The following ADAMTS13 variants were observed in gnomAD, a reference collection of about 807,000 sequenced individuals.
The protein encoded by ADAMTS13 is A disintegrin and metalloproteinase with thrombospondin motifs 13.
In ADAMTS13, 110 loss-of-function variants were observed where a neutral mutation model predicts 155.1. That is an observed-to-expected ratio of 0.71 (90% confidence interval 0.61 to 0.83). The LOEUF (loss-of-function observed/expected upper bound fraction) is 0.83, where lower values mean the gene tolerates loss of function less well. ADAMTS13 is among the 40% of genes least tolerant of loss of function. The probability of loss-of-function intolerance (pLI) is 0.00; values close to 1 mark genes in which losing one functional copy is unlikely to be tolerated. For missense variants in ADAMTS13, 1,707 were observed against 1,891.7 expected (o/e 0.90, Z 1.81); for synonymous variants, 758 against 756.4 (o/e 1.00, Z -0.03).
At position 133,430,038 on chromosome 9, in the gene ADAMTS13, C is replaced by G. The variant is rs1554786784; in HGVS notation, c.924C>G (p.Asn308Lys). The G allele has an allele frequency of 1.3e-6, 2 of 1,595,352 alleles. No individual in the cohort carries two copies. The highest frequency in any genetic ancestry group is 1.7e-5 in the Admixed American group (1 of 59,390). ...AGCCTGGCCTCTACTACAGCGCCAA[C>G]GAGCAGTGCCGCGTGGCCTTCGGCC... is the stretch of plus-strand genomic sequence containing the variant. The part of the protein sequence containing the change: ...DAQPGLYYSA[N>K]EQCRVAFGPK... The change falls in exon 8 of 29, where the codon AAC (asparagine) becomes AAG (lysine). Residue 308 changes from asparagine to lysine, a missense_variant. Asn to Lys is a moderately conservative substitution (Grantham distance 94). Transcript: ENST00000355699.
At chr9:133,451,217 A>G (rs1441601514) in intron 23 of ADAMTS13, among the ~76,000 whole-genome samples, 1 of 152,198 alleles carries the variant, frequency 6.6e-6, no homozygotes, top group African/African-American at 2.4e-5. Context: ...CCAGTTTAAT[A>G]GATAGCATCC....
chr9:133,427,478 G>C (rs1243531976), intron 6 of ADAMTS13, among the ~76,000 whole-genome samples: 1 of 152,234 alleles, frequency 6.6e-6, no homozygotes, highest in Non-Finnish European at 1.5e-5. Context: ...ACCCCTCTGA[G>C]CCTGGGAGGG....
intron 11 of ADAMTS13, 53 bp from the exon 12 acceptor site, chr9:133,436,776 A>AGGGGGGGGGGGGGGCC: frequency 1.4e-6 from 1 of 715,604 alleles, no homozygotes; most frequent in Non-Finnish European, 2.2e-6. Context: ...CCCAGTGACA[A>AGGGGGGGGGGGGGGCC]CACCCGCCCC....
intron 21 of ADAMTS13, among the ~76,000 whole-genome samples, chr9:133,447,347 A>G (rs1010286601): frequency 6.6e-6 from 1 of 152,114 alleles, no homozygotes; most frequent in Non-Finnish European, 1.5e-5. Flanking sequence ...GTTGGAGTGT[A>G]GTGGCACAAT....
At position 133,442,439 on chromosome 9, in the gene ADAMTS13, G is replaced by A. The variant is rs149953167; in HGVS notation, c.2009G>A (p.Arg670His). Residue 670 changes from arginine to histidine, a missense_variant, in exon 17 of 29, where the codon CGC (arginine) becomes CAC (histidine). Arg to His is a conservative substitution (Grantham distance 29, BLOSUM62 0). Transcript: ENST00000355699. ...GGCGAGGAGTATGGCAACCTCACCC[G>A]CCCAGACATCACCTTCACCTACTTC... Reference protein sequence around the residue: ...RYGEEYGNLTRPDITFTYFQP... With the variant: ...RYGEEYGNLTHPDITFTYFQP... 2.6e-4 allele frequency: 418 copies of A among 1,613,712 alleles called. 1 individual carries two copies. The highest frequency in any genetic ancestry group is 3.2e-4 in the Non-Finnish European group (378 of 1,180,020).
chr9:133,414,686 G>A, intron 1 of ADAMTS13: 1 of 1,613,894 alleles, frequency 6.2e-7, no homozygotes, highest in Admixed American at 1.7e-5. Flanking sequence ...GGCTGGGGCT[G>A]CCTCCTTAGC....
Position 133,433,393 on chromosome 9 carries a change from C to T in ADAMTS13, c.1108C>T (p.Arg370Cys), listed in dbSNP as rs145252342. The T allele has an allele frequency of 3.5e-5, 57 of 1,612,690 alleles. No individual in the cohort carries two copies. Among genetic ancestry groups the T allele is most frequent in the Non-Finnish European group, 4.7e-5 (56 of 1,179,922 alleles). Reference sequence around the variant, plus strand: ...TGCCTTGCAGTGGTGCTCCAAGGGTCGCTGCCGCTCCCTGGTGGAGCTGAC... The same window carrying T: ...TGCCTTGCAGTGGTGCTCCAAGGGTTGCTGCCGCTCCCTGGTGGAGCTGAC... The part of the protein sequence containing the change: ...CGVEKWCSKG[R>C]CRSLVELTPI... Residue 370 changes from arginine to cysteine, a missense_variant, in exon 10 of 29, where the codon CGC becomes TGC. Physicochemically the swap from Arg to Cys is radical, Grantham distance 180 (BLOSUM62 -3). Around this residue, in one of 3 missense-constraint regions of ADAMTS13, gnomAD observed 733 missense variants for 749.6 expected, o/e 0.98. Coordinates refer to ENST00000355699, the MANE Select transcript of ADAMTS13 (RefSeq NM_139027.6).
intron 11 of ADAMTS13, among the ~76,000 whole-genome samples, chr9:133,433,913 T>G (rs1169402480): frequency 1.3e-5 from 2 of 151,956 alleles, no homozygotes; most frequent in Admixed American, 1.3e-4. Context: ...CTGGCCAACA[T>G]GGTGAAATCT....
At chr9:133,446,849 G>T (rs1004549280) in intron 21 of ADAMTS13, among the ~76,000 whole-genome samples, 6 of 151,806 alleles carry the variant, frequency 4.0e-5, no homozygotes, top group Admixed American at 6.6e-5. Flanking sequence ...TATTTCTATG[G>T]TTTTTTTTGT....
At position 133,440,201 on chromosome 9, in the gene ADAMTS13, C is replaced by T. The variant is rs587675352; in HGVS notation, c.1787-143C>T. On this transcript the variant is annotated intron_variant, in intron 15 of 28. Coordinates refer to ENST00000355699, the MANE Select transcript of ADAMTS13 (RefSeq NM_139027.6). The surrounding 1 kb of genome is among the most constrained non-coding windows in gnomAD (Gnocchi z 4.3). ...GTTGTGGAAAGAGGCCTAGAGCCTCCGCTGTGGGGAAGCCTCTAGCTCAGA... is the reference window on the plus strand; with the variant it reads ...GTTGTGGAAAGAGGCCTAGAGCCTCTGCTGTGGGGAAGCCTCTAGCTCAGA... The T allele has an allele frequency of 6.4e-5, 64 of 1,002,202 alleles. 1 individual carries two copies. Among genetic ancestry groups the T allele is most frequent in the Middle Eastern group, 5.6e-4 (2 of 3,570 alleles). 62.1% of individuals were successfully genotyped at this position (1,002,202 alleles called of 1,614,324 possible).
chr9:133,443,268 G>T, intron 18 of ADAMTS13, 108 bp from the exon 19 acceptor site: 1 of 1,370,834 alleles, frequency 7.3e-7, no homozygotes, highest in Non-Finnish European at 1.0e-6. Flanking sequence ...TGGCCGTAGT[G>T]CCCATTGCTT....
rs782363784 is a variant in ADAMTS13 at position 133,444,878 on chromosome 9, G to GC, written c.2439dup (p.Ser814GlnfsTer31). The GC allele has an allele frequency of 6.2e-7, 1 of 1,613,062 alleles. No individual in the cohort carries two copies. The highest frequency in any genetic ancestry group is 8.5e-7 in the Non-Finnish European group (1 of 1,180,034). ...CCATCCTCAGGTGGGAGGTGTCAGA[G>GC]CCCAGCTCATGCACATCAGCTGGTG... On this transcript the variant is annotated frameshift_variant, in exon 20 of 29. Coordinates refer to ENST00000355699, the MANE Select transcript of ADAMTS13 (RefSeq NM_139027.6). LOFTEE classifies it high-confidence loss of function.
Position 133,414,555 on chromosome 9 carries a change from A to G in ADAMTS13, n.198A>G, listed in dbSNP as rs185136538. Reference sequence around the variant, plus strand: ...AGTAAACAAAGGAACAGACGACATCAGGGTAAAGTGATGGAGAGACTGCGG... The same window carrying G: ...AGTAAACAAAGGAACAGACGACATCGGGGTAAAGTGATGGAGAGACTGCGG... On this transcript the variant is annotated non_coding_transcript_exon_variant, in exon 1 of 18. Transcript: ENST00000485925. 169 of 941,294 alleles carry G rather than the reference A, an allele frequency of 1.8e-4. No homozygotes were observed. In the African/African-American group the frequency reaches 2.3e-3, roughly 13 times the overall value. 58.3% of individuals were successfully genotyped at this position (941,294 alleles called of 1,614,324 possible).
chr9:133,438,515 C>G, intron 14 of ADAMTS13, 149 bp downstream of exon 14: 9 of 1,282,062 alleles, frequency 7.0e-6, no homozygotes, highest in Non-Finnish European at 9.6e-6. Context: ...GCGTCTCCCT[C>G]TTCCACTTCG....
rs781842320 is a variant in ADAMTS13, at chr9:133,449,901, C to T, written c.2980C>T (p.Gln994Ter). 6.2e-7 allele frequency: 1 copy of T among 1,613,660 alleles called. No individual in the cohort carries two copies. Among genetic ancestry groups the T allele is most frequent in the Non-Finnish European group, 8.5e-7 (1 of 1,179,982 alleles). Reference protein sequence around the residue: ...DDGEEILLDTQCQGLPRPEPQ... With the variant: ...DDGEEILLDT ...TGGTGAGGAGATCCTGTTGGACACC[C>T]AGTGCCAGGGGCTGCCTCGCCCGGA... Residue 994 changes from glutamine (Q) to a stop codon, truncating the protein, a stop_gained, in exon 23 of 29, where the codon CAG (glutamine) becomes TAG (stop). Coordinates refer to ENST00000355699, the MANE Select transcript of ADAMTS13 (RefSeq NM_139027.6). LOFTEE classifies it high-confidence loss of function.
intron 8 of ADAMTS13, among the ~76,000 whole-genome samples, chr9:133,432,038 C>T (rs1476409090): frequency 5.9e-5 from 9 of 152,016 alleles, no homozygotes; most frequent in South Asian, 2.1e-4. Context: ...CCAAGGCAGG[C>T]GGATCACCTG....
chr9:133,440,386 G>T lies in ADAMTS13; in HGVS notation c.1829G>T (p.Ser610Ile). The change falls in exon 16 of 29, where the codon AGC becomes ATC. Residue 610 changes from serine to isoleucine, a missense_variant. This residue lies in a region of ADAMTS13 where 961 missense variants were observed against 1,107.9 expected (regional missense o/e 0.87). Coordinates refer to ENST00000355699, the MANE Select transcript of ADAMTS13 (RefSeq NM_139027.6). This position sits in a 1 kb window ranked among gnomAD's most constrained non-coding sequence, Gnocchi z 4.3. ...GGRYVVAGKM[S>I]ISPNTTYPSL... ...CGCTATGTCGTGGCTGGGAAGATGAGCATCTCCCCTAACACCACCTACCCC... is the reference window on the plus strand; with the variant it reads ...CGCTATGTCGTGGCTGGGAAGATGATCATCTCCCCTAACACCACCTACCCC... The T allele has an allele frequency of 6.2e-7, 1 of 1,613,968 alleles. No homozygotes were observed. Among genetic ancestry groups the T allele is most frequent in the Non-Finnish European group, 8.5e-7 (1 of 1,180,040 alleles).
chr9:133,428,391 A>T (rs1840424715), intron 6 of ADAMTS13, among the ~76,000 whole-genome samples: 1 of 152,248 alleles, frequency 6.6e-6, no homozygotes, highest in Non-Finnish European at 1.5e-5. Context: ...TTAGCAAAAG[A>T]TGCGAGAGCC....
rs751466560 is a variant in ADAMTS13 at position 133,459,030 on chromosome 9, C to T, written c.3966C>T (p.Tyr1322=). The T allele has an allele frequency of 2.5e-6, 4 of 1,613,236 alleles. No individual in the cohort carries two copies. Among genetic ancestry groups the T allele is most frequent in the Non-Finnish European group, 3.4e-6 (4 of 1,180,014 alleles). ...CGTTCCATGGGCAGCAGGTGCTCTA[C>T]TGGGAGTCAGAGAGCAGCCAGGCTG... ...TTAFHGQQVL[Y]WESESSQAEM... Residue 1322 remains tyrosine, a synonymous_variant, in exon 29 of 29, where the codon TAC becomes TAT. Transcript: ENST00000355699.
Sources: allele counts gnomAD v4.1 joint callset (sites outside exome capture counted in the v4.1 genomes callset), GRCh38; gene constraint gnomAD v4.1.1; regional missense constraint gnomAD v4.1.1; non-coding constraint Gnocchi (gnomAD v3.1); transcripts MANE v1.5; gene names NCBI Gene and HGNC (gene_info 2026-07-23, HGNC 2026-07-21).